TP53BP2: variants seen among roughly 807,000 people sequenced by gnomAD.
TP53BP2 encodes tumor protein p53 binding protein 2, also known as apoptosis-stimulating of p53 protein 2.
A neutral mutation model predicts 126.2 loss-of-function variants in TP53BP2; 62 were observed. The ratio of observed to expected loss-of-function variants is 0.49; its 90% confidence interval spans 0.40 to 0.61. TP53BP2 has a LOEUF of 0.61. Among genes scored for constraint, TP53BP2 ranks in the 20% least tolerant of loss-of-function variants. The pLI is 0.00. For synonymous variants in TP53BP2, 485 were observed against 502.9 expected, an observed-to-expected ratio of 0.96 and a Z score of 0.48; for missense variants, 1,215 against 1,402.8, an observed-to-expected ratio of 0.87 and a Z score of 2.14.
At chr1:223,822,329 C>A (rs1159619262) in intron 1 of TP53BP2, among the ~76,000 whole-genome samples, 1 of 152,098 alleles carries the variant, frequency 6.6e-6, no homozygotes, top group African/African-American at 2.4e-5. Flanking sequence ...ACCTACCTGA[C>A]CTTGTATATA....
intron 3 of TP53BP2, 127 bp from the exon 4 acceptor site, chr1:223,810,640 A>C (rs910170117): frequency 7.3e-6 from 5 of 687,656 alleles, no homozygotes; most frequent in African/African-American, 7.2e-5. Flanking sequence ...AAAACAAAAT[A>C]TTTTCTAATA....
At chr1:223,781,472 T>C (rs1223061832) in intron 17 of TP53BP2, among the ~76,000 whole-genome samples, 2 of 152,214 alleles carry the variant, frequency 1.3e-5, no homozygotes, top group Non-Finnish European at 2.9e-5. Context: ...TGAGTCCTAG[T>C]GAAGGTTGCA....
Position 223,796,681 on chromosome 1 carries a change from C to G in TP53BP2, c.1949-91G>C, listed in dbSNP as rs1229597042. 5.7e-6 allele frequency: 7 copies of G among 1,233,678 alleles called. No individual in the cohort carries two copies. In the Admixed American group the frequency reaches 7.2e-5, roughly 13 times the overall value. 76.4% of individuals were successfully genotyped at this position (1,233,678 alleles called of 1,614,324 possible). A position where few individuals can be genotyped will look rare whatever the true frequency, so the allele number is the denominator to read the frequency against. On this transcript the variant is annotated intron_variant, in intron 12 of 17. Transcript: ENST00000343537. This position sits in a 1 kb window ranked among gnomAD's most constrained non-coding sequence, Gnocchi z 4.2. The stretch of plus-strand genomic sequence containing the variant: ...AAACAGCTAACAATAACTAAAGCCT[C>G]TTTTAATTTCATAGTTGTTACTACA...
intron 12 of TP53BP2, among the ~76,000 whole-genome samples, chr1:223,797,845 TAC>T (rs139814982): frequency 1.3e-5 from 2 of 151,276 alleles, no homozygotes; most frequent in Non-Finnish European, 3.0e-5. Context: ...TATATGTATA[TAC>T]ACACACACAC....
chr1:223,815,601 C>A (rs935672207), intron 2 of TP53BP2, among the ~76,000 whole-genome samples: 24 of 152,202 alleles, frequency 1.6e-4, no homozygotes, highest in Admixed American at 5.2e-4. Context: ...TTCTCACAAG[C>A]TCTAGGCTAA....
At chr1:223,797,376 A>C (rs1662359989) in intron 12 of TP53BP2, among the ~76,000 whole-genome samples, 1 of 151,900 alleles carries the variant, frequency 6.6e-6, no homozygotes, top group African/African-American at 2.4e-5. Context: ...TCCCCATTAC[A>C]ATGACTTAAA....
Position 223,796,099 on chromosome 1 carries a change from A to G in TP53BP2, c.2440T>C (p.Leu814=), listed in dbSNP as rs1166064082. The G allele has an allele frequency of 2.5e-6, 4 of 1,614,198 alleles. No individual in the cohort carries two copies. In the South Asian group the frequency reaches 3.3e-5, roughly 13 times the overall value. ...GCATTCCCCACATCCTCTGGGGACA[A>G]TGATTCAGGAACCAGAGAGACCACC... ...KEVVSLVPES[L]SPEDVGNAST... The change falls in exon 13 of 18, where the codon TTG becomes CTG. Residue 814 remains leucine, a synonymous_variant. Coordinates refer to ENST00000343537, the MANE Select transcript of TP53BP2 (RefSeq NM_001031685.3). This position sits in a 1 kb window ranked among gnomAD's most constrained non-coding sequence, Gnocchi z 4.2.
At chr1:223,836,268 G>C (rs1251222815) in intron 1 of TP53BP2, among the ~76,000 whole-genome samples, 1 of 152,236 alleles carries the variant, frequency 6.6e-6, no homozygotes, top group Non-Finnish European at 1.5e-5. Flanking sequence ...CAAGAGTGGA[G>C]AGCAATATGC....
At chr1:223,783,137 G>A (rs1028551602) in intron 17 of TP53BP2, among the ~76,000 whole-genome samples, 31 of 152,210 alleles carry the variant, frequency 2.0e-4, no homozygotes, top group South Asian at 2.1e-4. Flanking sequence ...CATGTGGGTG[G>A]AGGCCATGTC....
At chr1:223,824,373 G>A (rs1303946145) in intron 1 of TP53BP2, among the ~76,000 whole-genome samples, 2 of 152,200 alleles carry the variant, frequency 1.3e-5, no homozygotes, top group South Asian at 2.1e-4. Flanking sequence ...TGTACGAGTT[G>A]ACCCCGCTTC....
At chr1:223,807,968 G>C (rs1248643633) in intron 4 of TP53BP2, among the ~76,000 whole-genome samples, 1 of 152,098 alleles carries the variant, frequency 6.6e-6, no homozygotes, top group Non-Finnish European at 1.5e-5. Flanking sequence ...ATCTAGAATA[G>C]CCAAAATAAC....
chr1:223,831,476 AAAAAATATATATAT>A lies in TP53BP2; in HGVS notation c.28-10123_28-10110del, dbSNP rs1421433051. Among the ~76,000 whole-genome samples, 90 of 50,202 alleles carry A rather than the reference AAAAAATATATATAT, an allele frequency of 1.8e-3. 1 individual carries two copies. The highest frequency in any genetic ancestry group is 7.1e-3 in the African/African-American group (76 of 10,764). 32.9% of individuals were successfully genotyped at this position (50,202 alleles called of 152,430 possible). ...CACATATGTACCATCTAAAAAAAAA[AAAAAATATATATAT>A]ATATATATATATATATATATATATA... is the stretch of plus-strand genomic sequence containing the variant. On this transcript the variant is annotated intron_variant, in intron 1 of 17. Transcript: ENST00000343537.
At chr1:223,823,362 T>C (rs898931425) in intron 1 of TP53BP2, among the ~76,000 whole-genome samples, 1 of 152,182 alleles carries the variant, frequency 6.6e-6, no homozygotes, top group Non-Finnish European at 1.5e-5. Flanking sequence ...GAGATATACA[T>C]GAGAGAAAGA....
In TP53BP2 at chr1:223,796,578, G is replaced by A; in HGVS notation, c.1961C>T (p.Pro654Leu). 1 of 1,602,884 alleles carries A rather than the reference G, an allele frequency of 6.2e-7. No homozygotes were observed. The highest frequency in any genetic ancestry group is 8.5e-7 in the Non-Finnish European group (1 of 1,175,986). Residue 654 changes from proline to leucine, a missense_variant, in exon 13 of 18, where the codon CCT becomes CTT. Pro to Leu is a moderately conservative substitution (Grantham distance 98). Transcript: ENST00000343537. This position sits in a 1 kb window ranked among gnomAD's most constrained non-coding sequence, Gnocchi z 4.2. ...GPHFSSVYGK[P>L]VIAAAQNQQQ... ...TTGATTCTGGGCAGCAGCAATTACAGGCTTACCATATACTAATTGGAAAAG... is the reference window on the plus strand; with the variant it reads ...TTGATTCTGGGCAGCAGCAATTACAAGCTTACCATATACTAATTGGAAAAG...
intron 1 of TP53BP2, among the ~76,000 whole-genome samples, chr1:223,824,719 C>G (rs1386981841): frequency 6.6e-6 from 1 of 152,010 alleles, no homozygotes; most frequent in African/African-American, 2.4e-5. Context: ...TAAATGTTTA[C>G]TAGGTACCAG....
intron 1 of TP53BP2, among the ~76,000 whole-genome samples, chr1:223,836,352 G>A (rs1016443872): frequency 2.6e-5 from 4 of 152,196 alleles, no homozygotes; most frequent in African/African-American, 7.2e-5. Context: ...CGAGGTGACC[G>A]GATGCTCTTC....
At chr1:223,810,407 G>A in intron 4 of TP53BP2, 24 bp downstream of exon 4, 6 of 1,561,322 alleles carry the variant, frequency 3.8e-6, no homozygotes, top group Non-Finnish European at 5.3e-6. Flanking sequence ...GGTATATACA[G>A]TATGGATAAA....
chr1:223,818,675 A>G (rs1202195436), intron 2 of TP53BP2, among the ~76,000 whole-genome samples: 1 of 150,458 alleles, frequency 6.6e-6, no homozygotes, highest in Admixed American at 6.6e-5. Flanking sequence ...CCTGAGTTCA[A>G]GGGATTCTCC....
chr1:223,845,734 C>CGCGGATGCGGGGGAGGGGA lies in TP53BP2; in HGVS notation c.-73_-55dup. On this transcript the variant is annotated 5_prime_UTR_variant, in exon 1 of 18. Transcript: ENST00000343537. The stretch of plus-strand genomic sequence containing the variant: ...GCCGAGCTGAGGTGCCCCGGAGGGT[C>CGCGGATGCGGGGGAGGGGA]GCGGATGCGGGGGAGGGGAGCGGAG... 1 of 1,474,202 alleles carries CGCGGATGCGGGGGAGGGGA rather than the reference C, an allele frequency of 6.8e-7. No homozygotes were observed. Among genetic ancestry groups the CGCGGATGCGGGGGAGGGGA allele is most frequent in the East Asian group, 2.9e-5 (1 of 34,926 alleles). The allele number at this position is 1,474,202 out of a possible 1,614,324, so 91.3% of individuals were successfully genotyped here. A position where few individuals can be genotyped will look rare whatever the true frequency, so the allele number is the denominator to read the frequency against.
Sources: gnomAD v4.1 joint callset for allele counts (sites outside exome capture counted in the v4.1 genomes callset) on GRCh38, gnomAD v4.1.1 for gene constraint, Gnocchi (gnomAD v3.1) non-coding constraint, MANE v1.5 for transcripts, NCBI Gene and HGNC (gene_info 2026-07-23, HGNC 2026-07-21) for gene names.